NRXN3: variants seen among roughly 807,000 people sequenced by gnomAD.
NRXN3 encodes the protein neurexin 3, also known as neurexin III.
In NRXN3, 32 loss-of-function variants were observed where a neutral mutation model predicts 137.6. The observed-to-expected ratio is 0.23, with a 90% confidence interval of 0.18 to 0.31. The LOEUF is 0.31. NRXN3 is among the 10% of genes least tolerant of loss of function. The pLI is 1.00. For synonymous variants in NRXN3, 798 were observed against 784.5 expected, an observed-to-expected ratio of 1.02 and a Z score of -0.29; for missense variants, 1,574 against 2,062.5, an observed-to-expected ratio of 0.76 and a Z score of 4.59.
chr14:78,984,381 A>G (rs1301403781), intron 14 of NRXN3, among the ~76,000 whole-genome samples: 1 of 152,226 alleles, frequency 6.6e-6, no homozygotes, highest in Non-Finnish European at 1.5e-5. Context: ...ATTTAATTAC[A>G]GTCCACGTAA....
At chr14:78,771,407 G>A (rs749064240) in intron 8 of NRXN3, among the ~76,000 whole-genome samples, 22 of 152,172 alleles carry the variant, frequency 1.4e-4, no homozygotes, top group Non-Finnish European at 2.8e-4. Flanking sequence ...TATGAGGGCC[G>A]CAAAGCCTAG....
At chr14:79,282,886 ATATT>A (rs2081516090) in intron 15 of NRXN3, among the ~76,000 whole-genome samples, 1 of 152,168 alleles carries the variant, frequency 6.6e-6, no homozygotes. Context: ...GACTCCTTGC[ATATT>A]TAATTGGTGT....
chr14:78,489,114 T>TGAG (rs2153747698), intron 4 of NRXN3, among the ~76,000 whole-genome samples: 1 of 152,282 alleles, frequency 6.6e-6, no homozygotes, highest in African/African-American at 2.4e-5. Context: ...TGTGGATAGC[T>TGAG]GAGAACCATC....
intron 15 of NRXN3, among the ~76,000 whole-genome samples, chr14:79,029,900 G>A (rs1044100250): frequency 4.6e-5 from 7 of 151,938 alleles, no homozygotes; most frequent in East Asian, 3.9e-4. Context: ...AGGCCTGAGT[G>A]CATTGGCATG....
At chr14:79,470,924 G>GAC (rs1290134573) in intron 16 of NRXN3, among the ~76,000 whole-genome samples, 259 of 102,938 alleles carry the variant, frequency 2.5e-3, no homozygotes, top group African/African-American at 1.0e-2. Flanking sequence ...GTGTGTGAGA[G>GAC]AGAGAGAGAG....
At chr14:78,726,958 C>CCAAAA (rs1470894227) in intron 8 of NRXN3, among the ~76,000 whole-genome samples, 1 of 28,812 alleles carries the variant, frequency 3.5e-5, no homozygotes, top group Non-Finnish European at 1.2e-4. Flanking sequence ...GATTTATTCA[C>CCAAAA]TAAAAAAAAA....
intron 8 of NRXN3, among the ~76,000 whole-genome samples, chr14:78,796,672 A>G (rs976502042): frequency 1.3e-5 from 2 of 152,188 alleles, no homozygotes; most frequent in Non-Finnish European, 2.9e-5. Context: ...TTGCAAGGCT[A>G]CACAACTCAG....
intron 20 of NRXN3, among the ~76,000 whole-genome samples, chr14:79,830,512 C>T (rs1202786982): frequency 6.6e-6 from 1 of 152,034 alleles, no homozygotes; most frequent in Non-Finnish European, 1.5e-5. Context: ...TCCACAAGTA[C>T]CCAATTAGTA....
At chr14:79,411,110 G>A (rs2153514953) in intron 15 of NRXN3, among the ~76,000 whole-genome samples, 1 of 152,156 alleles carries the variant, frequency 6.6e-6, no homozygotes, top group African/African-American at 2.4e-5. Context: ...GTTACTGTGT[G>A]GGTCCTGTTC....
At chr14:79,485,003 TG>T (rs2096642579) in intron 16 of NRXN3, among the ~76,000 whole-genome samples, 1 of 152,196 alleles carries the variant, frequency 6.6e-6, no homozygotes, top group South Asian at 2.1e-4. Context: ...TGAGAAAAGT[TG>T]GTTATTATTC....
At chr14:78,605,129 C>G (rs573712064) in intron 4 of NRXN3, among the ~76,000 whole-genome samples, 2 of 152,260 alleles carry the variant, frequency 1.3e-5, no homozygotes, top group East Asian at 3.9e-4. Flanking sequence ...CATCTCCACC[C>G]CACAAGTTGA....
chr14:78,968,457 A>T, intron 14 of NRXN3, 111 bp downstream of exon 14: 2 of 924,942 alleles, frequency 2.2e-6, no homozygotes, highest in Admixed American at 2.7e-5. Context: ...TCTCATTCTC[A>T]TTTGCCACGT....
At position 79,551,589 on chromosome 14, in the gene NRXN3, T is replaced by C. The variant is rs1424284276; in HGVS notation, c.3444+84187T>C. Among the ~76,000 whole-genome samples, 6 of 152,260 alleles carry C rather than the reference T, an allele frequency of 3.9e-5. No homozygotes were observed. The East Asian group carries it at 9.7e-4, about 25-fold the overall frequency. On this transcript the variant is annotated intron_variant, in intron 16 of 20. Transcript: ENST00000335750. ...GGATTATGTTTTCTTCGTCAAGAGT[T>C]TGAGGAACCTAGGGTGCAGCTTGAG...
intron 15 of NRXN3, among the ~76,000 whole-genome samples, chr14:79,007,804 TCAAAAAA>T (rs2099556475): frequency 1.9e-5 from 1 of 52,522 alleles, no homozygotes; most frequent in South Asian, 6.5e-4. Context: ...AGACTCCATC[TCAAAAAA>T]AAAAAAAAAA....
rs560075429 is a variant in NRXN3, at chr14:78,949,615, A to G, written c.2276-7627A>G. Among the ~76,000 whole-genome samples, 11 of 152,098 alleles carry G rather than the reference A, an allele frequency of 7.2e-5. No individual in the cohort carries two copies. The South Asian group carries it at 1.5e-3, about 20-fold the overall frequency. ...GAATTTTTTTTTTTAAAAAAAAACT[A>G]CAATACAAGGAATAGAGTGGTCATT... On this transcript the variant is annotated intron_variant, in intron 10 of 20. Transcript: ENST00000335750.
At chr14:78,470,234 T>C (rs2095233426) in intron 4 of NRXN3, among the ~76,000 whole-genome samples, 1 of 152,216 alleles carries the variant, frequency 6.6e-6, no homozygotes, top group African/African-American at 2.4e-5. Context: ...CAGAGTGGCA[T>C]GAGAATCCCT....
intron 6 of NRXN3, among the ~76,000 whole-genome samples, chr14:78,656,931 C>T (rs2097789016): frequency 6.6e-6 from 1 of 151,196 alleles, no homozygotes; most frequent in African/African-American, 2.4e-5. Context: ...CCTGTAGTCC[C>T]AGCTACTTGA....
At chr14:78,626,793 T>C (rs560878905) in intron 4 of NRXN3, among the ~76,000 whole-genome samples, 15 of 152,346 alleles carry the variant, frequency 9.8e-5, no homozygotes, top group Admixed American at 7.2e-4. Flanking sequence ...AGATTGTCTT[T>C]CAGAGAGCAC....
chr14:79,527,363 G>A (rs1415530179), intron 16 of NRXN3, among the ~76,000 whole-genome samples: 2 of 151,470 alleles, frequency 1.3e-5, no homozygotes, highest in East Asian at 1.9e-4. Flanking sequence ...GTTAGAGATG[G>A]TGGTTAGAAG....
Sources: gnomAD v4.1 joint callset for allele counts (sites outside exome capture counted in the v4.1 genomes callset) on GRCh38, gnomAD v4.1.1 for gene constraint, MANE v1.5 for transcripts, NCBI Gene and HGNC (gene_info 2026-07-23, HGNC 2026-07-21) for gene names.